The following PCDHGA4 variants were observed in gnomAD, a reference collection of about 807,000 sequenced individuals.
The protein encoded by PCDHGA4 is protocadherin gamma subfamily A, 4.
In PCDHGA4, 38 loss-of-function variants were observed where a neutral mutation model predicts 54.6. That is an observed-to-expected ratio of 0.70 (90% CI 0.54 to 0.91). The LOEUF is 0.91. Ranked by LOEUF, PCDHGA4 falls within the 40% of genes least tolerant of loss-of-function variation. PCDHGA4 has a pLI of 0.00. For missense variants in PCDHGA4, 1,298 were observed against 1,220.9 expected, an observed-to-expected ratio of 1.06 and a Z score of -0.94; for synonymous variants, 511 against 512.9, an observed-to-expected ratio of 1.00 and a Z score of 0.05.
chr5:141,440,393 G>A (rs1444541990), intron 1 of PCDHGA4: 1 of 152,180 alleles, frequency 6.6e-6, no homozygotes, highest in Admixed American at 6.5e-5. Flanking sequence ...TTGAACCCGA[G>A]AGGCAATCGC....
chr5:141,394,004 A>C (rs1220367944), intron 1 of PCDHGA4: 3 of 1,613,496 alleles, frequency 1.9e-6, no homozygotes. Flanking sequence ...TAGAAAAGTC[A>C]ATAGGTAATT....
intron 1 of PCDHGA4, chr5:141,383,671 G>T: frequency 6.2e-7 from 1 of 1,613,998 alleles, no homozygotes; most frequent in Non-Finnish European, 8.5e-7. Flanking sequence ...TGTGCCAGTG[G>T]GTACAAGACT....
rs1439461935 is a variant in PCDHGA4 at position 141,511,976 on chromosome 5, G to A, written c.*803G>A. ...ATAAGGAAGGGAAGTGTGTGGATGT[G>A]GATGGTGGGGGCATGGACAAAGCTT... is the stretch of plus-strand genomic sequence containing the variant. On this transcript the variant is annotated 3_prime_UTR_variant, in exon 4 of 4. Coordinates refer to ENST00000571252, the MANE Select transcript of PCDHGA4 (RefSeq NM_018917.4). 6.5e-6 allele frequency: 1 copy of A among 153,384 alleles called. No homozygotes were observed. Among genetic ancestry groups the A allele is most frequent in the Non-Finnish European group, 1.5e-5 (1 of 68,664 alleles). 9.5% of individuals were successfully genotyped at this position (153,384 alleles called of 1,614,324 possible).
intron 1 of PCDHGA4, chr5:141,366,496 A>T (rs1346215388): frequency 6.2e-7 from 1 of 1,614,218 alleles, no homozygotes; most frequent in East Asian, 2.2e-5. Context: ...GGCACAAGTC[A>T]CGCCTGCTTC....
Position 141,491,103 on chromosome 5 carries a change from G to C in PCDHGA4, c.2515-3704G>C. 1 of 1,614,162 alleles carries C rather than the reference G, an allele frequency of 6.2e-7. No individual in the cohort carries two copies. Among genetic ancestry groups the C allele is most frequent in the South Asian group, 1.1e-5 (1 of 91,082 alleles). On this transcript the variant is annotated intron_variant, in intron 1 of 3. Transcript: ENST00000571252. The surrounding 1 kb of genome is among the most constrained non-coding windows in gnomAD (Gnocchi z 6.9). ...CCACAGCCCCAGGACTGTTCCTCGT[G>C]TCTACACACACTGGTGAGGTGCGCA... is the stretch of plus-strand genomic sequence containing the variant.
intron 1 of PCDHGA4, among the ~76,000 whole-genome samples, chr5:141,407,170 AC>A (rs2154538102): frequency 6.6e-6 from 1 of 152,368 alleles, no homozygotes; most frequent in Admixed American, 6.5e-5. Flanking sequence ...ATCCTTTATG[AC>A]ATACAGACAT....
At chr5:141,399,380 T>A (rs1361218028) in intron 1 of PCDHGA4, 5 of 1,613,820 alleles carry the variant, frequency 3.1e-6, no homozygotes, top group Non-Finnish European at 4.2e-6. Context: ...AATGTCACCA[T>A]CACAGCCACA....
At chr5:141,361,167 A>C in intron 1 of PCDHGA4, 1 of 1,613,990 alleles carries the variant, frequency 6.2e-7, no homozygotes, top group South Asian at 1.1e-5. Context: ...ACGATTGTGC[A>C]CCTGAAGTTA....
At chr5:141,417,789 C>G in intron 1 of PCDHGA4, 1 of 1,477,596 alleles carries the variant, frequency 6.8e-7, no homozygotes, top group Non-Finnish European at 9.0e-7. Context: ...GGGCCGAATG[C>G]TCTTTTAGCG....
chr5:141,358,336 A>G (rs1207700100), intron 1 of PCDHGA4, among the ~76,000 whole-genome samples: 1 of 152,206 alleles, frequency 6.6e-6, no homozygotes, highest in African/African-American at 2.4e-5. Context: ...CTATTGTTGG[A>G]TCTGGACTGA....
At chr5:141,466,574 T>C (rs978880367) in intron 1 of PCDHGA4, among the ~76,000 whole-genome samples, 5 of 152,218 alleles carry the variant, frequency 3.3e-5, no homozygotes, top group Non-Finnish European at 5.9e-5. Flanking sequence ...CAACATTGTC[T>C]CATCCCTTCT....
intron 1 of PCDHGA4, among the ~76,000 whole-genome samples, chr5:141,369,779 C>G (rs2149951458): frequency 6.6e-6 from 1 of 152,242 alleles, no homozygotes; most frequent in South Asian, 2.1e-4. Flanking sequence ...TATTTCAAGC[C>G]TCTTTATACT....
chr5:141,464,394 G>A (rs1277856342), intron 1 of PCDHGA4, among the ~76,000 whole-genome samples: 1 of 150,654 alleles, frequency 6.6e-6, no homozygotes. Context: ...TGCTAATGAA[G>A]AACCTGAGAT....
chr5:141,388,341 A>G, intron 1 of PCDHGA4: 1 of 1,614,036 alleles, frequency 6.2e-7, no homozygotes, highest in Non-Finnish European at 8.5e-7. Flanking sequence ...CACACGATTT[A>G]TATTAGGATC....
intron 1 of PCDHGA4, chr5:141,383,899 C>T (rs560928380): frequency 1.2e-6 from 2 of 1,613,958 alleles, no homozygotes; most frequent in African/African-American, 2.7e-5. Context: ...GGCAAAAGTA[C>T]TGATCACAGT....
chr5:141,421,443 GAC>G (rs771422215), intron 1 of PCDHGA4: 47 of 1,613,988 alleles, frequency 2.9e-5, no homozygotes, highest in Non-Finnish European at 3.6e-5. Context: ...CCAGAGGGAA[GAC>G]ACAGCTTTTC....
intron 1 of PCDHGA4, chr5:141,409,788 C>T (rs1224847553): frequency 3.1e-6 from 5 of 1,612,138 alleles, no homozygotes; most frequent in Admixed American, 1.7e-5. Flanking sequence ...CGCGCCTTCG[C>T]GCTCACGCTG....
chr5:141,459,529 G>A (rs1201996126), intron 1 of PCDHGA4, among the ~76,000 whole-genome samples: 2 of 152,134 alleles, frequency 1.3e-5, no homozygotes, highest in African/African-American at 2.4e-5. Context: ...ATTTTTGTAG[G>A]CATATTTTTT....
chr5:141,375,973 C>A (rs577451422), intron 1 of PCDHGA4: 742 of 1,613,246 alleles, frequency 4.6e-4, no homozygotes, highest in Middle Eastern at 1.7e-3. Context: ...GCACGGCGCG[C>A]GCCCTGCTGG....
Sources: gnomAD v4.1 joint callset for allele counts (sites outside exome capture counted in the v4.1 genomes callset) on GRCh38, gnomAD v4.1.1 for gene constraint, Gnocchi (gnomAD v3.1) non-coding constraint, MANE v1.5 for transcripts, NCBI Gene and HGNC (gene_info 2026-07-23, HGNC 2026-07-21) for gene names.